Variants in TBC1D22A observed in about 807,000 individuals in gnomAD.
TBC1D22A encodes the protein TBC1 domain family member 22A, also known as putative GTPase activator.
A neutral mutation model predicts 60.2 loss-of-function variants in TBC1D22A; 38 were observed. The ratio of observed to expected loss-of-function variants is 0.63; its 90% confidence interval spans 0.49 to 0.83. The LOEUF is 0.83. Ranked by LOEUF, TBC1D22A falls within the 40% of genes least tolerant of loss-of-function variation. The pLI is 0.00. For synonymous variants in TBC1D22A, 302 were observed against 281.7 expected (o/e 1.07, Z -0.72); for missense variants, 628 against 701.0 (o/e 0.90, Z 1.18).
intron 11 of TBC1D22A, among the ~76,000 whole-genome samples, chr22:47,072,211 C>A (rs566431116): frequency 7.2e-5 from 11 of 152,204 alleles, no homozygotes; most frequent in Non-Finnish European, 1.6e-4. Flanking sequence ...AGGCTGCCCT[C>A]CTGGGGTGCA....
At chr22:46,907,298 A>G (rs1159952064) in intron 7 of TBC1D22A, among the ~76,000 whole-genome samples, 11 of 151,970 alleles carry the variant, frequency 7.2e-5, no homozygotes, top group Admixed American at 4.6e-4. Context: ...GTCCCTTTCA[A>G]TGGAGTTACT....
intron 5 of TBC1D22A, among the ~76,000 whole-genome samples, chr22:46,885,113 T>C (rs1298671418): frequency 1.3e-5 from 2 of 152,208 alleles, no homozygotes; most frequent in Non-Finnish European, 1.5e-5. Flanking sequence ...GACAGTCACC[T>C]GTGAGCCCGG....
intron 5 of TBC1D22A, among the ~76,000 whole-genome samples, chr22:46,882,542 G>A (rs894973400): frequency 2.6e-5 from 4 of 152,184 alleles, no homozygotes; most frequent in African/African-American, 7.2e-5. Context: ...CACACACCTG[G>A]GCTGAGGTAC....
rs894656079 is a variant in TBC1D22A, at chr22:46,771,725, G to A, written c.62+8877G>A. Among the ~76,000 whole-genome samples the A allele has an allele frequency of 2.0e-5, 3 of 152,020 alleles. No homozygotes were observed. In the East Asian group the frequency reaches 5.8e-4, roughly 29 times the overall value. ...TTCTCCTGTCTCAGCCTCCCGAGTGGCTGGGATTATAGGCACATGCCACCA... is the reference window on the plus strand; with the variant it reads ...TTCTCCTGTCTCAGCCTCCCGAGTGACTGGGATTATAGGCACATGCCACCA... On this transcript the variant is annotated intron_variant, in intron 1 of 12. Coordinates refer to ENST00000337137, the MANE Select transcript of TBC1D22A (RefSeq NM_014346.5).
chr22:47,069,441 C>G (rs993292236), intron 11 of TBC1D22A, among the ~76,000 whole-genome samples: 8 of 152,228 alleles, frequency 5.3e-5, no homozygotes, highest in Admixed American at 3.9e-4. Flanking sequence ...ACTGCTGTGT[C>G]CTCTCGGTGA....
At chr22:47,098,996 G>A (rs933998902) in intron 11 of TBC1D22A, among the ~76,000 whole-genome samples, 1 of 152,238 alleles carries the variant, frequency 6.6e-6, no homozygotes, top group African/African-American at 2.4e-5. Context: ...GGCTCCTGAA[G>A]ATGAATTTCC....
intron 11 of TBC1D22A, among the ~76,000 whole-genome samples, chr22:47,088,126 G>C: frequency 6.6e-6 from 1 of 151,960 alleles, no homozygotes; most frequent in African/African-American, 2.4e-5. Context: ...AATATGAACT[G>C]TTGGTGGATT....
rs372712038 is a variant in TBC1D22A at position 46,953,814 on chromosome 22, C to T, written c.1016-20476C>T. Among the ~76,000 whole-genome samples the T allele has an allele frequency of 5.3e-5, 8 of 152,188 alleles. No homozygotes were observed. The East Asian group carries it at 1.2e-3, about 22-fold the overall frequency. ...AATATTAACATTGACTGAGTATTTA[C>T]CTCTATCAGGTGCTTTGTTCAGCTT... On this transcript the variant is annotated intron_variant, in intron 8 of 12. Transcript: ENST00000337137.
intron 11 of TBC1D22A, among the ~76,000 whole-genome samples, chr22:47,047,518 G>A (rs569256461): frequency 5.3e-5 from 8 of 152,178 alleles, no homozygotes; most frequent in Non-Finnish European, 8.8e-5. Context: ...AGACAGCCCC[G>A]AGCGGAGCAG....
intron 11 of TBC1D22A, among the ~76,000 whole-genome samples, chr22:47,044,575 C>T (rs1302724438): frequency 6.6e-6 from 1 of 152,202 alleles, no homozygotes; most frequent in East Asian, 1.9e-4. Flanking sequence ...AGAAGCTGGT[C>T]TCCGTACATT....
At chr22:47,018,184 C>G (rs2061966306) in intron 10 of TBC1D22A, among the ~76,000 whole-genome samples, 1 of 152,260 alleles carries the variant, frequency 6.6e-6, no homozygotes, top group South Asian at 2.1e-4. Context: ...TGGCTGCTGG[C>G]ACTTCTGTTC....
intron 11 of TBC1D22A, among the ~76,000 whole-genome samples, chr22:47,072,687 G>C (rs1361663546): frequency 2.0e-5 from 3 of 152,268 alleles, no homozygotes; most frequent in Non-Finnish European, 4.4e-5. Flanking sequence ...GAGCTGGATA[G>C]GTATGTGGTG....
chr22:46,967,593 G>A (rs1436429269), intron 8 of TBC1D22A, among the ~76,000 whole-genome samples: 3 of 152,240 alleles, frequency 2.0e-5, no homozygotes, highest in East Asian at 1.9e-4. Context: ...TACCGACAGC[G>A]TTTGTGCTAT....
chr22:47,036,569 C>T (rs758643457), intron 10 of TBC1D22A, among the ~76,000 whole-genome samples: 1 of 152,216 alleles, frequency 6.6e-6, no homozygotes, highest in Non-Finnish European at 1.5e-5. Context: ...CTTCACCTGG[C>T]CTGCAGGCCT....
chr22:46,816,708 A>G (rs1250314266), intron 4 of TBC1D22A, among the ~76,000 whole-genome samples: 9 of 151,840 alleles, frequency 5.9e-5, no homozygotes, highest in Admixed American at 3.3e-4. Flanking sequence ...TTTGATGCTT[A>G]TGCATATTAT....
At chr22:46,766,198 C>T (rs1050756953) in intron 1 of TBC1D22A, among the ~76,000 whole-genome samples, 3 of 152,102 alleles carry the variant, frequency 2.0e-5, no homozygotes, top group Non-Finnish European at 2.9e-5. Flanking sequence ...GGGGTTTCAC[C>T]GTGCTAGCCA....
At chr22:46,825,946 C>A (rs534015275) in intron 4 of TBC1D22A, among the ~76,000 whole-genome samples, 2 of 150,976 alleles carry the variant, frequency 1.3e-5, no homozygotes, top group Admixed American at 1.3e-4. Context: ...ACAGTGGCGC[C>A]ATCTCGGCTT....
At chr22:46,774,501 G>T (rs2083617027) in intron 1 of TBC1D22A, among the ~76,000 whole-genome samples, 1 of 152,260 alleles carries the variant, frequency 6.6e-6, no homozygotes, top group South Asian at 2.1e-4. Context: ...CAGTTGCTTA[G>T]AATACCTGTG....
chr22:47,019,639 G>A (rs980699720), intron 10 of TBC1D22A, among the ~76,000 whole-genome samples: 1 of 152,032 alleles, frequency 6.6e-6, no homozygotes, highest in African/African-American at 2.4e-5. Context: ...GGGGCATGTG[G>A]GATAGAGACG....
Sources: allele counts gnomAD v4.1 joint callset (sites outside exome capture counted in the v4.1 genomes callset), GRCh38; gene constraint gnomAD v4.1.1; transcripts MANE v1.5; gene names NCBI Gene and HGNC (gene_info 2026-07-23, HGNC 2026-07-21).